GNG2: variants seen among roughly 807,000 people sequenced by gnomAD.
The protein encoded by GNG2 is G protein subunit gamma 2, also known as guanine nucleotide-binding protein G(I)/G(S)/G(O) subunit gamma-2.
Under a neutral mutation model 5.5 loss-of-function variants are expected in GNG2, and 5 were observed. The ratio of observed to expected loss-of-function variants is 0.91; its 90% confidence interval spans 0.48 to 1.92. The LOEUF (loss-of-function observed/expected upper bound fraction) is 1.92, where lower values mean the gene tolerates loss of function less well. Among genes scored for constraint, GNG2 ranks in the 30% most tolerant of loss-of-function variants. The pLI is 0.01. For missense variants in GNG2, 55 were observed against 88.4 expected (o/e 0.62, Z 1.52); for synonymous variants, 28 against 32.0 (o/e 0.88, Z 0.42).
At chr14:51,908,656 G>C (rs539346761) in intron 2 of GNG2, among the ~76,000 whole-genome samples, 3 of 126,440 alleles carry the variant, frequency 2.4e-5, no homozygotes, top group Admixed American at 1.7e-4. Context: ...TGCAGCCTCC[G>C]CCTCCTGGGT....
chr14:51,938,065 A>T (rs891510820), intron 2 of GNG2, among the ~76,000 whole-genome samples: 4 of 152,234 alleles, frequency 2.6e-5, no homozygotes, highest in Non-Finnish European at 4.4e-5. Context: ...TAACATGTGC[A>T]TGCACTTCTG....
In GNG2 at chr14:51,905,236, T is replaced by A. The variant is rs145315136; in HGVS notation, c.-30+27579T>A. 1.2e-3 allele frequency among the ~76,000 whole-genome samples: 183 copies of A among 152,348 alleles called. 1 individual carries two copies. Among genetic ancestry groups the A allele is most frequent in the African/African-American group, 4.2e-3 (176 of 41,582 alleles). On this transcript the variant is annotated intron_variant, in intron 2 of 3. Transcript: ENST00000556766. Reference sequence around the variant, plus strand: ...CTCCAATCTTGAGAAAAGTCTATTCTTGCTTCCTAGACACTTAAGATTCAA... The same window carrying A: ...CTCCAATCTTGAGAAAAGTCTATTCATGCTTCCTAGACACTTAAGATTCAA...
At chr14:51,896,005 T>C (rs899143075) in intron 2 of GNG2, among the ~76,000 whole-genome samples, 10 of 152,362 alleles carry the variant, frequency 6.6e-5, no homozygotes, top group African/African-American at 2.2e-4. Context: ...CCTCTTTCTC[T>C]TGTAAATTGC....
At chr14:51,903,724 G>C (rs1885715733) in intron 2 of GNG2, among the ~76,000 whole-genome samples, 1 of 152,056 alleles carries the variant, frequency 6.6e-6, no homozygotes, top group Admixed American at 6.5e-5. Flanking sequence ...TAAATCCTTA[G>C]AAGATGGCAG....
intron 2 of GNG2, among the ~76,000 whole-genome samples, chr14:51,883,526 C>T (rs1188252204): frequency 6.6e-5 from 10 of 152,162 alleles, no homozygotes; most frequent in Admixed American, 4.6e-4. Context: ...GCAGTAACAG[C>T]GTTGAGAGGT....
rs1260346587 is a variant in GNG2, at chr14:51,966,606, C to T, written c.135C>T (p.Ala45=). 4 of 1,613,174 alleles carry T rather than the reference C, an allele frequency of 2.5e-6. No homozygotes were observed. In the African/African-American group the frequency reaches 4.0e-5, roughly 16 times the overall value. ...TGATGGCCTACTGTGAAGCACATGC[C>T]AAGGAAGACCCCCTCCTGACCCCTG... ...ADLMAYCEAH[A]KEDPLLTPVP... The change falls in exon 4 of 4, where the codon GCC becomes GCT. Residue 45 remains alanine, a synonymous_variant. Coordinates refer to ENST00000556766, the MANE Select transcript of GNG2 (RefSeq NM_053064.5).
chr14:51,837,047 C>T (rs987891613), intron 2 of GNG2, among the ~76,000 whole-genome samples: 90 of 151,746 alleles, frequency 5.9e-4, no homozygotes, highest in Admixed American at 2.4e-3. Flanking sequence ...TTAGTAGAGA[C>T]GGGGCTTCAC....
chr14:51,888,138 A>T (rs538817517), intron 2 of GNG2, among the ~76,000 whole-genome samples: 43 of 152,230 alleles, frequency 2.8e-4, no homozygotes, highest in African/African-American at 9.4e-4. Context: ...ATGCTCCATG[A>T]TCATCTCTCC....
At chr14:51,907,550 G>A (rs1886010586) in intron 2 of GNG2, among the ~76,000 whole-genome samples, 1 of 152,198 alleles carries the variant, frequency 6.6e-6, no homozygotes, top group African/African-American at 2.4e-5. Flanking sequence ...AGGAAACAAT[G>A]GACAGCTTTT....
chr14:51,937,623 A>ATTTTTTTTTTTTTTTTTTT (rs60571273), intron 2 of GNG2, among the ~76,000 whole-genome samples: 1 of 133,584 alleles, frequency 7.5e-6, no homozygotes. Context: ...GAAATACATA[A>ATTTTTTTTTTTTTTTTTTT]TTTTTTTTTT....
chr14:51,836,326 T>C (rs1400000293), intron 2 of GNG2, among the ~76,000 whole-genome samples: 2 of 152,084 alleles, frequency 1.3e-5, no homozygotes, highest in African/African-American at 4.8e-5. Context: ...GCTAGGGTAG[T>C]AGTCATGCAG....
rs897702762 is a variant in GNG2, at chr14:51,909,151, C to T, written c.-30+31494C>T. ...TAGAATTCATTCTGTTTTCTGGCTA[C>T]GTAATATTCCATTGAGTGACTCTGG... On this transcript the variant is annotated intron_variant, in intron 2 of 3. Transcript: ENST00000556766. Among the ~76,000 whole-genome samples the T allele has an allele frequency of 6.6e-5, 10 of 152,136 alleles. No homozygotes were observed. The South Asian group carries it at 1.2e-3, about 19-fold the overall frequency.
intron 2 of GNG2, among the ~76,000 whole-genome samples, chr14:51,878,405 G>A (rs934049273): frequency 6.6e-6 from 1 of 152,074 alleles, no homozygotes; most frequent in Admixed American, 6.5e-5. Context: ...TTGTCAACTC[G>A]TGGCTGGGAT....
intron 2 of GNG2, among the ~76,000 whole-genome samples, chr14:51,893,337 G>A (rs1421530769): frequency 6.6e-6 from 1 of 152,094 alleles, no homozygotes; most frequent in African/African-American, 2.4e-5. Flanking sequence ...CTTGAATTCT[G>A]GTGAAGTTGA....
chr14:51,913,227 G>A (rs563854920), intron 2 of GNG2: 1 of 152,334 alleles, frequency 6.6e-6, no homozygotes, highest in East Asian at 1.9e-4. Flanking sequence ...TTAAAAAGTA[G>A]GCCGGGTATG....
chr14:51,845,853 G>A (rs546192213), intron 2 of GNG2, among the ~76,000 whole-genome samples: 2 of 152,224 alleles, frequency 1.3e-5, no homozygotes, highest in African/African-American at 4.8e-5. Context: ...ATGAGTCAGT[G>A]GTATATGCTG....
intron 2 of GNG2, among the ~76,000 whole-genome samples, chr14:51,917,907 T>A (rs1886746824): frequency 6.6e-6 from 1 of 151,942 alleles, no homozygotes; most frequent in Non-Finnish European, 1.5e-5. Context: ...GCGCCTGTAG[T>A]CCCAGCTACT....
At chr14:51,830,571 A>G (rs1881154307) in intron 2 of GNG2, among the ~76,000 whole-genome samples, 1 of 152,162 alleles carries the variant, frequency 6.6e-6, no homozygotes, top group African/African-American at 2.4e-5. Flanking sequence ...CCTTCTAATT[A>G]AGCCAAAAAG....
intron 3 of GNG2, among the ~76,000 whole-genome samples, chr14:51,959,121 A>G (rs548204311): frequency 3.3e-5 from 5 of 151,966 alleles, no homozygotes; most frequent in Non-Finnish European, 7.4e-5. Flanking sequence ...TAGGCTCTCC[A>G]ACTTATTACA....
Sources: allele counts gnomAD v4.1 joint callset (sites outside exome capture counted in the v4.1 genomes callset), GRCh38; gene constraint gnomAD v4.1.1; transcripts MANE v1.5; gene names NCBI Gene and HGNC (gene_info 2026-07-23, HGNC 2026-07-21).